The following CACHD1 variants were observed in gnomAD, a reference collection of about 807,000 sequenced individuals.
CACHD1 encodes the protein cache domain containing 1.
Under a neutral mutation model 138.7 loss-of-function variants are expected in CACHD1, and 71 were observed. The ratio of observed to expected loss-of-function variants is 0.51; its 90% CI spans 0.42 to 0.62. CACHD1 has a LOEUF of 0.62. Ranked by LOEUF, CACHD1 falls within the 20% of genes least tolerant of loss-of-function variation. The pLI, the probability that CACHD1 is intolerant of heterozygous loss-of-function variation, is 0.00. For synonymous variants in CACHD1, 578 were observed against 591.5 expected (o/e 0.98, Z 0.33); for missense variants, 1,389 against 1,625.3 (o/e 0.85, Z 2.50).
intron 13 of CACHD1, among the ~76,000 whole-genome samples, chr1:64,661,517 C>G (rs1171055864): frequency 6.6e-6 from 1 of 152,162 alleles, no homozygotes; most frequent in East Asian, 1.9e-4. Flanking sequence ...CCCGTGGTGA[C>G]TCTTCTGTCT....
At chr1:64,630,679 C>T (rs1248304513) in intron 5 of CACHD1, among the ~76,000 whole-genome samples, 1 of 152,104 alleles carries the variant, frequency 6.6e-6, no homozygotes, top group Non-Finnish European at 1.5e-5. Flanking sequence ...GACCAGAAGC[C>T]ATGATCATGG....
chr1:64,519,901 A>G (rs1055492762), intron 1 of CACHD1, among the ~76,000 whole-genome samples: 7 of 152,102 alleles, frequency 4.6e-5, no homozygotes, highest in Admixed American at 2.6e-4. Flanking sequence ...CTATCCCACA[A>G]CCTTGCCACC....
intron 1 of CACHD1, among the ~76,000 whole-genome samples, chr1:64,477,177 A>G (rs954659354): frequency 1.4e-4 from 22 of 152,226 alleles, no homozygotes; most frequent in Non-Finnish European, 7.3e-5. Context: ...AGGTAGGAGC[A>G]GTCAATAAAC....
intron 26 of CACHD1, among the ~76,000 whole-genome samples, chr1:64,689,547 CAAACCACCATCCTCT>C (rs967655493): frequency 1.8e-4 from 28 of 152,302 alleles, no homozygotes; most frequent in African/African-American, 6.3e-4. Context: ...CTTCATCTCC[CAAACCACCATCCTCT>C]AAACACAAAT....
At chr1:64,544,853 A>G (rs1254653496) in intron 1 of CACHD1, among the ~76,000 whole-genome samples, 3 of 152,092 alleles carry the variant, frequency 2.0e-5, no homozygotes, top group Non-Finnish European at 4.4e-5. Flanking sequence ...CAGTAAAGAT[A>G]CCCCTTTTCT....
intron 20 of CACHD1, 40 bp from the exon 21 acceptor site, chr1:64,675,857 C>A: frequency 1.6e-6 from 2 of 1,287,794 alleles, no homozygotes; most frequent in South Asian, 1.4e-5. Context: ...TACAGTTTGC[C>A]ATTGACCTTC....
chr1:64,538,827 A>G (rs1646654789), intron 1 of CACHD1, among the ~76,000 whole-genome samples: 1 of 152,244 alleles, frequency 6.6e-6, no homozygotes, highest in South Asian at 2.1e-4. Flanking sequence ...TTAGTAGCAT[A>G]TTTCGAAGTA....
chr1:64,660,147 C>G (rs1649393989), intron 13 of CACHD1, among the ~76,000 whole-genome samples: 1 of 152,172 alleles, frequency 6.6e-6, no homozygotes, highest in Admixed American at 6.5e-5. Context: ...AAATGCTTTA[C>G]TGAAACACTG....
At chr1:64,483,178 C>CT (rs1443705678) in intron 1 of CACHD1, among the ~76,000 whole-genome samples, 4 of 152,280 alleles carry the variant, frequency 2.6e-5, no homozygotes, top group African/African-American at 9.6e-5. Flanking sequence ...CATTAGGACT[C>CT]TAAGTAGACT....
At chr1:64,525,562 A>G (rs1646532052) in intron 1 of CACHD1, among the ~76,000 whole-genome samples, 1 of 152,156 alleles carries the variant, frequency 6.6e-6, no homozygotes, top group Non-Finnish European at 1.5e-5. Context: ...CAGTACTTAC[A>G]TCTTTAGAAT....
At chr1:64,502,886 G>C (rs1252106136) in intron 1 of CACHD1, among the ~76,000 whole-genome samples, 3 of 152,138 alleles carry the variant, frequency 2.0e-5, no homozygotes, top group Non-Finnish European at 2.9e-5. Flanking sequence ...TTGTTTCATT[G>C]CATCGAAGTA....
chr1:64,601,406 C>G (rs989880300), intron 3 of CACHD1, among the ~76,000 whole-genome samples: 1 of 152,182 alleles, frequency 6.6e-6, no homozygotes, highest in African/African-American at 2.4e-5. Context: ...GTCTTCTCGT[C>G]TAGACAAACT....
At chr1:64,552,161 A>G (rs2100457142) in intron 2 of CACHD1, among the ~76,000 whole-genome samples, 1 of 151,096 alleles carries the variant, frequency 6.6e-6, no homozygotes, top group East Asian at 2.0e-4. Context: ...TTTTCCCCCC[A>G]CCCCCTTTGC....
intron 5 of CACHD1, among the ~76,000 whole-genome samples, chr1:64,631,099 G>A (rs746038336): frequency 6.6e-6 from 1 of 152,180 alleles, no homozygotes; most frequent in Non-Finnish European, 1.5e-5. Context: ...CTGCCCCCCA[G>A]TTTGTACATT....
At chr1:64,484,102 C>T (rs1429541197) in intron 1 of CACHD1, among the ~76,000 whole-genome samples, 1 of 152,036 alleles carries the variant, frequency 6.6e-6, no homozygotes, top group Non-Finnish European at 1.5e-5. Flanking sequence ...TGCTATATTC[C>T]TGTAGAATGG....
intron 25 of CACHD1, among the ~76,000 whole-genome samples, chr1:64,681,541 G>GGTTTT (rs1553146851): frequency 2.6e-4 from 18 of 68,128 alleles, no homozygotes; most frequent in East Asian, 1.2e-3. Flanking sequence ...ATTTTATTGT[G>GGTTTT]TTTTTTTTTT....
Position 64,688,203 on chromosome 1 carries a change from G to A in CACHD1, c.3587-3120G>A, listed in dbSNP as rs1487298782. Among the ~76,000 whole-genome samples the A allele has an allele frequency of 2.0e-5, 3 of 152,138 alleles. No homozygotes were observed. The East Asian group carries it at 5.8e-4, about 30-fold the overall frequency. On this transcript the variant is annotated intron_variant, in intron 26 of 26. Transcript: ENST00000651257. ...TGGGTGCTTGTAAATGAGCAGAGAC[G>A]GGAAGCTATCCAGGAAGTGTTTGAA...
intron 21 of CACHD1, 39 bp downstream of exon 21, chr1:64,676,022 A>AC: frequency 2.0e-6 from 1 of 500,778 alleles, no homozygotes; most frequent in Non-Finnish European, 2.7e-6. Context: ...TAATAATAAT[A>AC]ATAATAATAA....
intron 8 of CACHD1, among the ~76,000 whole-genome samples, chr1:64,642,364 A>G (rs926592060): frequency 1.3e-5 from 2 of 152,152 alleles, no homozygotes; most frequent in South Asian, 2.1e-4. Flanking sequence ...CAATCTGTGA[A>G]TATCACATTT....
Sources: allele counts gnomAD v4.1 joint callset (sites outside exome capture counted in the v4.1 genomes callset), GRCh38; gene constraint gnomAD v4.1.1; transcripts MANE v1.5; gene names NCBI Gene and HGNC (gene_info 2026-07-23, HGNC 2026-07-21).